Variants in NSUN4 observed in about 807,000 individuals in gnomAD.
NSUN4 encodes the protein 5-cytosine rRNA methyltransferase NSUN4.
In NSUN4, 31 loss-of-function variants were observed where a neutral mutation model predicts 43.8. That is an observed-to-expected ratio of 0.71 (90% CI 0.53 to 0.96). The LOEUF (loss-of-function observed/expected upper bound fraction) is 0.96. NSUN4 is among the 40% of genes least tolerant of loss of function. The pLI is 0.00. For missense variants in NSUN4, 439 were observed against 475.6 expected, an observed-to-expected ratio of 0.92 and a Z score of 0.72; for synonymous variants, 167 against 184.1, an observed-to-expected ratio of 0.91 and a Z score of 0.75.
chr1:46,359,179 G>A (rs1663620566), intron 4 of NSUN4, among the ~76,000 whole-genome samples: 1 of 152,048 alleles, frequency 6.6e-6, no homozygotes, highest in Non-Finnish European at 1.5e-5. Context: ...AGAATCGCTT[G>A]AACCCGGGAG....
At position 46,345,143 on chromosome 1, in the gene NSUN4, A is replaced by C; in HGVS notation, c.436A>C (p.Arg146=). ...GGATATCAGTCGCTTCCCTCCTGCC[A>C]GGTAGGATCTGGAGCCATGACTGGA... ...RGDISRFPPA[R]PGSLGVMEYY... Residue 146 remains arginine, a splice_region_variant and synonymous_variant, in exon 2 of 6, where the codon AGA becomes CGA. Coordinates refer to ENST00000474844, the MANE Select transcript of NSUN4 (RefSeq NM_199044.4). The C allele has an allele frequency of 6.3e-7, 1 of 1,597,290 alleles. No homozygotes were observed. The highest frequency in any genetic ancestry group is 8.5e-7 in the Non-Finnish European group (1 of 1,172,184).
the NSUN4 span, among the ~76,000 whole-genome samples, chr1:46,378,272 A>G: frequency 6.7e-6 from 1 of 150,254 alleles, no homozygotes; most frequent in South Asian, 2.1e-4. Context: ...ATCTTGGCTC[A>G]CCACAACCTC....
chr1:46,346,847 A>G (rs17361791), intron 2 of NSUN4, 74 bp from the exon 3 acceptor site: 330,346 of 1,281,838 alleles, frequency 0.26, 46,893 homozygotes, highest in Non-Finnish European at 0.3. Context: ...CAGAGGGCAT[A>G]GACTTGGTGG....
intron 1 of NSUN4, chr1:46,343,758 A>T (rs1396392408): frequency 2.5e-6 from 1 of 400,782 alleles, no homozygotes; most frequent in Non-Finnish European, 4.4e-6. Flanking sequence ...CCAGGGTGAG[A>T]GTCCCCAAAT....
rs1269805045 is a variant in NSUN4, at chr1:46,360,747, A to C, written c.797A>C (p.His266Pro). The C allele has an allele frequency of 5.6e-6, 9 of 1,614,002 alleles. No individual in the cohort carries two copies. Among genetic ancestry groups the C allele is most frequent in the Admixed American group, 1.7e-5 (1 of 60,012 alleles). The stretch of plus-strand genomic sequence containing the variant: ...TGTACCACAGACCGCCACTCCCTTC[A>C]TGAGGAGGAGAACAACATCTTTAAG... ...VPCTTDRHSL[H>P]EEENNIFKRS... is the part of the protein sequence containing the mutation. The change falls in exon 5 of 6, where the codon CAT becomes CCT. Residue 266 changes from histidine (H) to proline (P), a missense_variant. Physicochemically the swap from His to Pro is moderately conservative, Grantham distance 77. Coordinates refer to ENST00000474844, the MANE Select transcript of NSUN4 (RefSeq NM_199044.4).
At position 46,361,649 on chromosome 1, in the gene NSUN4, G is replaced by GTGGT; in HGVS notation, c.959_962dup (p.Gln322GlyfsTer6). The GTGGT allele has an allele frequency of 1.9e-6, 3 of 1,614,224 alleles. No individual in the cohort carries two copies. Among genetic ancestry groups the GTGGT allele is most frequent in the Non-Finnish European group, 2.5e-6 (3 of 1,180,038 alleles). On this transcript the variant is annotated frameshift_variant, in exon 6 of 6. Transcript: ENST00000474844. LOFTEE classifies it high-confidence loss of function. The stretch of plus-strand genomic sequence containing the variant: ...ACTCTCACACTTACAGAACGAGTAT[G>GTGGT]TGGTGCAAGGTGCCATTGAGCTCCT...
At chr1:46,345,523 C>G (rs1179589238) in intron 2 of NSUN4, 2 of 180,746 alleles carry the variant, frequency 1.1e-5, no homozygotes, top group Non-Finnish European at 2.3e-5. Context: ...TGAGCACTCA[C>G]TGGGCCCTCT....
At chr1:46,368,444 C>A (rs1302928882), downstream of NSUN4, among the ~76,000 whole-genome samples, 1 of 152,156 alleles carries the variant, frequency 6.6e-6, no homozygotes, top group Non-Finnish European at 1.5e-5. Flanking sequence ...AGAAGCCTCG[C>A]AACTTCCACG....
the NSUN4 span, among the ~76,000 whole-genome samples, chr1:46,372,077 G>A: frequency 0.52 from 78,494 of 151,088 alleles, 21,718 homozygotes; most frequent in Non-Finnish European, 0.62. Flanking sequence ...CTCTGTACTA[G>A]TCTCTTTAGC....
At chr1:46,382,288 C>T in the NSUN4 span, among the ~76,000 whole-genome samples, 1 of 152,216 alleles carries the variant, frequency 6.6e-6, no homozygotes, top group Admixed American at 6.5e-5. Context: ...CCCCATCATA[C>T]TTTAAGTAAA....
the NSUN4 span, among the ~76,000 whole-genome samples, chr1:46,379,123 A>G: frequency 1.3e-5 from 2 of 152,200 alleles, no homozygotes; most frequent in African/African-American, 2.4e-5. Context: ...TTATGTAATC[A>G]ACTTAGCAGA....
intron 3 of NSUN4, among the ~76,000 whole-genome samples, chr1:46,349,084 A>G (rs1201581506): frequency 3.0e-4 from 45 of 148,074 alleles, no homozygotes; most frequent in Non-Finnish European, 5.6e-4. Context: ...AAGTGCTGAG[A>G]TTACAGGTGT....
intron 1 of NSUN4, 104 bp from the exon 2 acceptor site, chr1:46,344,697 A>T: frequency 1.0e-6 from 1 of 954,658 alleles, no homozygotes; most frequent in Non-Finnish European, 1.6e-6. Flanking sequence ...AGGAGTGGGC[A>T]CTAGCTGGAT....
chr1:46,356,572 A>G (rs1663387642), intron 4 of NSUN4, among the ~76,000 whole-genome samples: 1 of 152,072 alleles, frequency 6.6e-6, no homozygotes, highest in African/African-American at 2.4e-5. Context: ...GGCGCCTGGA[A>G]TCCCAGCTAC....
rs76971083 is a variant in NSUN4 at position 46,350,245 on chromosome 1, A to G, written c.593-2623A>G. On this transcript the variant is annotated intron_variant, in intron 3 of 5. Transcript: ENST00000474844. ...TTTGAGTGCCCTCAAAAATGGAGAC[A>G]TTGGCCGGGGGGCGGTGACTCACGC... Among the ~76,000 whole-genome samples, 947 of 152,324 alleles carry G rather than the reference A, an allele frequency of 6.2e-3. 13 individuals are homozygous for G. Among genetic ancestry groups the G allele is most frequent in the African/African-American group, 0.022 (894 of 41,574 alleles).
rs1662572980 is a variant in NSUN4, at chr1:46,347,168, T to C, written c.592+93T>C. 18 of 1,336,766 alleles carry C rather than the reference T, an allele frequency of 1.3e-5. No homozygotes were observed. The South Asian group carries it at 2.6e-4, about 19-fold the overall frequency. The allele number at this position is 1,336,766 out of a possible 1,614,324, so 82.8% of individuals were successfully genotyped here. A position where few individuals can be genotyped will look rare whatever the true frequency, so the allele number is the denominator to read the frequency against. On this transcript the variant is annotated intron_variant, in intron 3 of 5. Coordinates refer to ENST00000474844, the MANE Select transcript of NSUN4 (RefSeq NM_199044.4). ...ATATGGTAGGTTCGGCCAGGCGCAG[T>C]GGCTCCCGCCTGTAATCCCAGCACT... is the stretch of plus-strand genomic sequence containing the variant.
the NSUN4 span, among the ~76,000 whole-genome samples, chr1:46,375,598 G>A: frequency 2.0e-5 from 3 of 151,724 alleles, no homozygotes; most frequent in East Asian, 5.8e-4. Context: ...TTAGCCAGGC[G>A]TGATGGTATG....
chr1:46,343,585 A>T (rs911965623), intron 1 of NSUN4: 1 of 400,112 alleles, frequency 2.5e-6, no homozygotes, highest in Non-Finnish European at 4.4e-6. Flanking sequence ...AAGAGTCCCC[A>T]TGATGGCAGA....
chr1:46,343,452 C>A (rs1039817731), intron 1 of NSUN4: 2 of 399,560 alleles, frequency 5.0e-6, no homozygotes, highest in South Asian at 2.5e-4. Context: ...CTGCCCTTTG[C>A]CTTCATCCAA....
Sources: gnomAD v4.1 joint callset for allele counts (sites outside exome capture counted in the v4.1 genomes callset) on GRCh38, gnomAD v4.1.1 for gene constraint, MANE v1.5 for transcripts, NCBI Gene and HGNC (gene_info 2026-07-23, HGNC 2026-07-21) for gene names.